CCDC152: variants seen among roughly 807,000 people sequenced by gnomAD.
The protein encoded by CCDC152 is coiled-coil domain-containing protein 152.
A neutral mutation model predicts 38.1 loss-of-function variants in CCDC152; 37 were observed. The observed-to-expected ratio is 0.97, with a 90% CI of 0.75 to 1.28. The LOEUF (loss-of-function observed/expected upper bound fraction) is 1.28, where lower values mean the gene tolerates loss of function less well. Ranked by LOEUF, CCDC152 falls within the 50% of genes most tolerant of loss-of-function variation. The pLI, the probability that CCDC152 is intolerant of heterozygous loss-of-function variation, is 0.00. For synonymous variants in CCDC152, 83 were observed against 87.1 expected (o/e 0.95, Z 0.26); for missense variants, 259 against 292.1 (o/e 0.89, Z 0.83).
At chr5:42,770,790 A>G (rs1417721590) in intron 4 of CCDC152, among the ~76,000 whole-genome samples, 2 of 151,982 alleles carry the variant, frequency 1.3e-5, no homozygotes. Flanking sequence ...CATTTCCTTC[A>G]TCAATGTTTT....
intron 7 of CCDC152, among the ~76,000 whole-genome samples, chr5:42,797,292 G>A (rs1476303986): frequency 6.6e-6 from 1 of 152,198 alleles, no homozygotes; most frequent in Admixed American, 6.5e-5. Context: ...CTTTCTGACT[G>A]CAGCAACTTT....
chr5:42,792,358 T>C (rs1310293366), intron 6 of CCDC152, among the ~76,000 whole-genome samples: 1 of 152,242 alleles, frequency 6.6e-6, no homozygotes, highest in Non-Finnish European at 1.5e-5. Context: ...ATTTATTCTT[T>C]AATTCTGTAA....
chr5:42,796,740 A>C, intron 6 of CCDC152, 89 bp from the exon 7 acceptor site: 1 of 886,370 alleles, frequency 1.1e-6, no homozygotes, highest in Non-Finnish European at 1.6e-6. Context: ...TTACTTTTTT[A>C]GGAATGATTT....
chr5:42,800,613 C>T lies in CCDC152; in HGVS notation c.*832C>T. On this transcript the variant is annotated 3_prime_UTR_variant, in exon 9 of 9. Coordinates refer to ENST00000361970, the MANE Select transcript of CCDC152 (RefSeq NM_001134848.2). Reference sequence around the variant, plus strand: ...AATTCAGTAGATTTCTCCATGTTTGCACAAATCTAATTTCTATTTTTGGTT... The same window carrying T: ...AATTCAGTAGATTTCTCCATGTTTGTACAAATCTAATTTCTATTTTTGGTT... 1 of 1,329,348 alleles carries T rather than the reference C, an allele frequency of 7.5e-7. No individual in the cohort carries two copies. The highest frequency in any genetic ancestry group is 1.5e-5 in the South Asian group (1 of 64,940). 82.3% of individuals were successfully genotyped at this position (1,329,348 alleles called of 1,614,324 possible). A position where few individuals can be genotyped will look rare whatever the true frequency, so the allele number is the denominator to read the frequency against.
In CCDC152 at chr5:42,800,043, A is replaced by G. The variant is rs1760145638; in HGVS notation, c.*262A>G. On this transcript the variant is annotated 3_prime_UTR_variant, in exon 9 of 9. Coordinates refer to ENST00000361970, the MANE Select transcript of CCDC152 (RefSeq NM_001134848.2). ...ACTATGGAAATACTTACTAAGCAAT[A>G]TAGAGACAGACAATATTATCTTTCC... 2 of 359,696 alleles carry G rather than the reference A, an allele frequency of 5.6e-6. No individual in the cohort carries two copies. The highest frequency in any genetic ancestry group is 4.4e-5 in the South Asian group (1 of 22,648). The allele number at this position is 359,696 out of a possible 1,614,324, so 22.3% of individuals were successfully genotyped here.
At chr5:42,777,416 C>T (rs1055870071) in intron 4 of CCDC152, among the ~76,000 whole-genome samples, 9 of 150,958 alleles carry the variant, frequency 6.0e-5, no homozygotes, top group East Asian at 1.9e-4. Flanking sequence ...GAGCTAAGAT[C>T]GCGCCATCGC....
chr5:42,765,509 A>G (rs1468953646), intron 3 of CCDC152, among the ~76,000 whole-genome samples: 1 of 152,218 alleles, frequency 6.6e-6, no homozygotes, highest in African/African-American at 2.4e-5. Context: ...CCTGACTTCA[A>G]ATTATACTAC....
intron 6 of CCDC152, among the ~76,000 whole-genome samples, chr5:42,787,312 T>C (rs1188088091): frequency 1.3e-5 from 2 of 152,018 alleles, no homozygotes; most frequent in East Asian, 1.9e-4. Flanking sequence ...AAAATTCCTT[T>C]AGTGAATTTT....
chr5:42,773,312 T>C (rs981752321), intron 4 of CCDC152, among the ~76,000 whole-genome samples: 28 of 152,196 alleles, frequency 1.8e-4, no homozygotes, highest in African/African-American at 6.3e-4. Flanking sequence ...CAATGAGATG[T>C]AGAAAAAAAT....
intron 6 of CCDC152, among the ~76,000 whole-genome samples, chr5:42,787,050 T>C (rs1355864663): frequency 6.6e-6 from 1 of 152,064 alleles, no homozygotes; most frequent in Non-Finnish European, 1.5e-5. Context: ...TATTGAGACT[T>C]GTTTTATGAT....
chr5:42,791,583 A>T (rs769990871), intron 6 of CCDC152, among the ~76,000 whole-genome samples: 1 of 152,164 alleles, frequency 6.6e-6, no homozygotes, highest in Non-Finnish European at 1.5e-5. Flanking sequence ...CATGTAATAT[A>T]TTCCTACTAG....
At chr5:42,757,749 G>A (rs1479993555) in intron 1 of CCDC152, among the ~76,000 whole-genome samples, 1 of 152,192 alleles carries the variant, frequency 6.6e-6, no homozygotes, top group Non-Finnish European at 1.5e-5. Flanking sequence ...GTTTTACAAG[G>A]AAATAACAGG....
chr5:42,793,105 A>C (rs1023651311), intron 6 of CCDC152, among the ~76,000 whole-genome samples: 1 of 152,248 alleles, frequency 6.6e-6, no homozygotes, highest in Non-Finnish European at 1.5e-5. Flanking sequence ...GAAATTACTC[A>C]GCAATAAAAA....
At chr5:42,762,028 C>T (rs1239555340) in intron 2 of CCDC152, among the ~76,000 whole-genome samples, 8 of 152,110 alleles carry the variant, frequency 5.3e-5, no homozygotes, top group Non-Finnish European at 1.0e-4. Flanking sequence ...AGTATATTTA[C>T]GCAAACCTAA....
rs896069197 is a variant in CCDC152 at position 42,800,232 on chromosome 5, T to A, written c.*451T>A. ...TTTAAAATAGTTATATATGCTTTTT[T>A]AGCAAAATATTCACGTGTTAAGTAT... On this transcript the variant is annotated 3_prime_UTR_variant, in exon 9 of 9. Transcript: ENST00000361970. 8 of 156,990 alleles carry A rather than the reference T, an allele frequency of 5.1e-5. No homozygotes were observed. The highest frequency in any genetic ancestry group is 1.1e-4 in the Non-Finnish European group (8 of 71,198). 9.7% of individuals were successfully genotyped at this position (156,990 alleles called of 1,614,324 possible).
intron 2 of CCDC152, among the ~76,000 whole-genome samples, chr5:42,760,409 C>T (rs572869543): frequency 6.6e-6 from 1 of 151,900 alleles, no homozygotes; most frequent in Non-Finnish European, 1.5e-5. Context: ...TATAACTACT[C>T]ATTTTTTAGT....
chr5:42,781,960 T>C (rs563576039), intron 5 of CCDC152, among the ~76,000 whole-genome samples: 1 of 152,324 alleles, frequency 6.6e-6, no homozygotes, highest in African/African-American at 2.4e-5. Context: ...AGTTGTAAAA[T>C]TTATCTTCAC....
intron 3 of CCDC152, among the ~76,000 whole-genome samples, chr5:42,765,195 T>C (rs1386711130): frequency 1.3e-5 from 2 of 152,076 alleles, no homozygotes; most frequent in African/African-American, 4.8e-5. Flanking sequence ...ATTGAATACC[T>C]AGGAATTAAC....
At chr5:42,760,319 A>C (rs935222559) in intron 2 of CCDC152, among the ~76,000 whole-genome samples, 5 of 152,028 alleles carry the variant, frequency 3.3e-5, no homozygotes, top group African/African-American at 1.2e-4. Context: ...AAAAAAAAAA[A>C]AAAAGAAAGC....
Sources: gnomAD v4.1 joint callset for allele counts (sites outside exome capture counted in the v4.1 genomes callset) on GRCh38, gnomAD v4.1.1 for gene constraint, MANE v1.5 for transcripts, NCBI Gene and HGNC (gene_info 2026-07-23, HGNC 2026-07-21) for gene names.